Variants in CRACR2A observed in about 807,000 individuals in gnomAD.
CRACR2A encodes the protein calcium release activated channel regulator 2A.
In CRACR2A, 79 loss-of-function variants were observed where a neutral mutation model predicts 90.5. The ratio of observed to expected loss-of-function variants is 0.87; its 90% CI spans 0.73 to 1.05. CRACR2A has a LOEUF of 1.05. CRACR2A is among the 50% of genes least tolerant of loss of function. The pLI, the probability that CRACR2A is intolerant of heterozygous loss-of-function variation, is 0.00. For synonymous variants in CRACR2A, 338 were observed against 356.7 expected (o/e 0.95, Z 0.59); for missense variants, 823 against 897.2 (o/e 0.92, Z 1.06).
At chr12:3,694,340 C>A (rs1227763987) in intron 4 of CRACR2A, among the ~76,000 whole-genome samples, 1 of 152,250 alleles carries the variant, frequency 6.6e-6, no homozygotes, top group African/African-American at 2.4e-5. Flanking sequence ...CTCCCTCCCA[C>A]ATGGCCTGCA....
At chr12:3,620,210 C>T (rs978618212) in intron 17 of CRACR2A, among the ~76,000 whole-genome samples, 2 of 152,248 alleles carry the variant, frequency 1.3e-5, no homozygotes, top group East Asian at 3.8e-4. Flanking sequence ...CCGGGACCAC[C>T]GACTGCCATT....
At position 3,675,968 on chromosome 12, in the gene CRACR2A, G is replaced by A. The variant is rs58652819; in HGVS notation, c.525-2376C>T. Reference sequence around the variant, plus strand: ...ACCCAGCAGAGAAGAGGACCACTGAGAAATAGGCCCACCTCTGATCAGTTA... The same window carrying A: ...ACCCAGCAGAGAAGAGGACCACTGAAAAATAGGCCCACCTCTGATCAGTTA... On this transcript the variant is annotated intron_variant, in intron 6 of 19. Coordinates refer to ENST00000440314, the MANE Select transcript of CRACR2A (RefSeq NM_001144958.2). Among the ~76,000 whole-genome samples the A allele has an allele frequency of 9.7e-4, 148 of 152,186 alleles. 1 individual carries two copies. Among genetic ancestry groups the A allele is most frequent in the African/African-American group, 3.5e-3 (146 of 41,522 alleles).
At chr12:3,707,070 G>A (rs1945936983) in intron 3 of CRACR2A, among the ~76,000 whole-genome samples, 1 of 152,188 alleles carries the variant, frequency 6.6e-6, no homozygotes, top group Non-Finnish European at 1.5e-5. Context: ...CAGCTGGACA[G>A]GATTTCCTGG....
At chr12:3,627,413 T>C (rs1161463124) in intron 17 of CRACR2A, 23 bp downstream of exon 17, 2 of 1,529,588 alleles carry the variant, frequency 1.3e-6, no homozygotes, top group Non-Finnish European at 1.8e-6. Flanking sequence ...GCCTAAATGC[T>C]CCTAGGAAGG....
At chr12:3,619,634 A>G (rs1027780663) in intron 17 of CRACR2A, among the ~76,000 whole-genome samples, 1 of 152,082 alleles carries the variant, frequency 6.6e-6, no homozygotes, top group African/African-American at 2.4e-5. Context: ...CTCCCCCTTC[A>G]CGATGCTCCT....
chr12:3,652,782 AAATG>A (rs141621173), intron 10 of CRACR2A, among the ~76,000 whole-genome samples: 50,954 of 151,820 alleles, frequency 0.34, 9,535 homozygotes, highest in Admixed American at 0.47. Context: ...TTTTCAGAAT[AAATG>A]AATGAATGAA....
intron 1 of CRACR2A, among the ~76,000 whole-genome samples, chr12:3,745,825 T>TAAAATAAAATAAAATAAAACAAAG (rs149739964): frequency 1.0e-5 from 1 of 100,486 alleles, no homozygotes; most frequent in African/African-American, 4.0e-5. Flanking sequence ...TAAAATAAAA[T>TAAAATAAAATAAAATAAAACAAAG]AAAGAAAGAA....
chr12:3,739,548 A>G (rs1378741728), intron 1 of CRACR2A, among the ~76,000 whole-genome samples: 1 of 152,216 alleles, frequency 6.6e-6, no homozygotes, highest in Non-Finnish European at 1.5e-5. Flanking sequence ...ACTGTTTCAA[A>G]TTGTACAAAT....
chr12:3,730,914 C>A (rs1946350775), intron 2 of CRACR2A: 1 of 152,170 alleles, frequency 6.6e-6, no homozygotes, highest in African/African-American at 2.4e-5. Context: ...AATTTTTGAA[C>A]CACACAAATG....
chr12:3,645,117 T>A (rs1186624493), intron 11 of CRACR2A, among the ~76,000 whole-genome samples: 3 of 152,230 alleles, frequency 2.0e-5, no homozygotes, highest in Non-Finnish European at 2.9e-5. Flanking sequence ...AACAAAAAGT[T>A]CCTGCCTCAC....
At chr12:3,647,207 T>G (rs1428995009) in intron 11 of CRACR2A, among the ~76,000 whole-genome samples, 1 of 12,782 alleles carries the variant, frequency 7.8e-5, no homozygotes, top group Non-Finnish European at 1.6e-4. Flanking sequence ...CACCCCCACC[T>G]CAGCATTATC....
At chr12:3,651,124 G>T (rs1178808106) in intron 10 of CRACR2A, among the ~76,000 whole-genome samples, 1 of 152,242 alleles carries the variant, frequency 6.6e-6, no homozygotes, top group Non-Finnish European at 1.5e-5. Context: ...AGGCGTTTAT[G>T]GTTACCCTTA....
chr12:3,699,486 T>A (rs1945799475), intron 3 of CRACR2A, among the ~76,000 whole-genome samples: 1 of 152,218 alleles, frequency 6.6e-6, no homozygotes, highest in African/African-American at 2.4e-5. Flanking sequence ...TGTTTTAGAT[T>A]GAGTCCTATA....
intron 3 of CRACR2A, among the ~76,000 whole-genome samples, chr12:3,699,273 C>A (rs982693268): frequency 6.6e-6 from 1 of 152,192 alleles, no homozygotes; most frequent in Non-Finnish European, 1.5e-5. Context: ...ATCATTTTAA[C>A]GGGAACGTCT....
chr12:3,735,898 C>A (rs930788910), intron 1 of CRACR2A, among the ~76,000 whole-genome samples: 13 of 152,148 alleles, frequency 8.5e-5, no homozygotes, highest in African/African-American at 2.9e-4. Context: ...TATTTGAGAA[C>A]CCTGCTTGAC....
intron 3 of CRACR2A, among the ~76,000 whole-genome samples, chr12:3,712,989 G>T (rs1324172943): frequency 1.3e-5 from 2 of 151,804 alleles, no homozygotes; most frequent in Non-Finnish European, 2.9e-5. Context: ...CTCTCCCAGA[G>T]GCCTCCCTTA....
chr12:3,749,071 G>A (rs910483823), intron 1 of CRACR2A, among the ~76,000 whole-genome samples: 1 of 152,218 alleles, frequency 6.6e-6, no homozygotes, highest in Non-Finnish European at 1.5e-5. Context: ...TGTGACCATA[G>A]ACATGATACT....
chr12:3,621,399 T>C (rs1279704282), intron 17 of CRACR2A, among the ~76,000 whole-genome samples: 1 of 149,096 alleles, frequency 6.7e-6, no homozygotes, highest in Non-Finnish European at 1.5e-5. Flanking sequence ...GTTTCTTCTT[T>C]TTTTTTTTTT....
At chr12:3,666,281 C>G (rs1378879531) in intron 7 of CRACR2A, among the ~76,000 whole-genome samples, 4 of 151,950 alleles carry the variant, frequency 2.6e-5, no homozygotes, top group African/African-American at 9.7e-5. Context: ...TAAACATCTT[C>G]ACCCAAGATA....
Sources: allele counts gnomAD v4.1 joint callset (sites outside exome capture counted in the v4.1 genomes callset), GRCh38; gene constraint gnomAD v4.1.1; transcripts MANE v1.5; gene names NCBI Gene and HGNC (gene_info 2026-07-23, HGNC 2026-07-21).